Variants in LRP1B observed in about 807,000 individuals in gnomAD.
LRP1B encodes LDL receptor related protein 1B.
A neutral mutation model predicts 556.6 loss-of-function variants in LRP1B; 217 were observed. That is an observed-to-expected ratio of 0.39 (90% confidence interval 0.35 to 0.44). The LOEUF (loss-of-function observed/expected upper bound fraction) is 0.44, where lower values mean the gene tolerates loss of function less well. LRP1B is among the 20% of genes least tolerant of loss of function. LRP1B has a pLI of 1.00. For missense variants in LRP1B, 5,053 were observed against 5,620.8 expected (o/e 0.90, Z 3.23); for synonymous variants, 2,047 against 1,865.8 (o/e 1.10, Z -2.50).
At chr2:141,597,656 T>C (rs1200286111) in intron 2 of LRP1B, among the ~76,000 whole-genome samples, 2 of 152,128 alleles carry the variant, frequency 1.3e-5, no homozygotes, top group Admixed American at 6.6e-5. Flanking sequence ...TACAGTTTGC[T>C]TTATGAAGTT....
chr2:140,412,855 G>T (rs1685024302), intron 66 of LRP1B, among the ~76,000 whole-genome samples: 1 of 151,868 alleles, frequency 6.6e-6, no homozygotes, highest in South Asian at 2.1e-4. Context: ...GCCATTTTAG[G>T]TTGTGTCAAC....
chr2:141,780,175 A>C (rs1695206533), intron 2 of LRP1B, among the ~76,000 whole-genome samples: 1 of 151,652 alleles, frequency 6.6e-6, no homozygotes, highest in African/African-American at 2.4e-5. Flanking sequence ...AGACAATATA[A>C]AAAAAAGAAG....
rs567115979 is a variant in LRP1B, at chr2:140,826,214, A to G, written c.5210-12408T>C. Among the ~76,000 whole-genome samples, 7 of 152,324 alleles carry G rather than the reference A, an allele frequency of 4.6e-5. No homozygotes were observed. In the South Asian group the frequency reaches 1.4e-3, roughly 32 times the overall value. The stretch of plus-strand genomic sequence containing the variant: ...ATAACATATATGTAGGTATACATAT[A>G]CATCAGGTCCTTGAATAACATTTTG... On this transcript the variant is annotated intron_variant, in intron 31 of 90. Coordinates refer to ENST00000389484, the MANE Select transcript of LRP1B (RefSeq NM_018557.3).
intron 77 of LRP1B, among the ~76,000 whole-genome samples, chr2:140,341,679 A>G (rs1681398815): frequency 6.6e-6 from 1 of 151,448 alleles, no homozygotes; most frequent in South Asian, 2.1e-4. Flanking sequence ...TGGCTGGAAC[A>G]AAACGTTGTG....
At chr2:141,333,122 G>C (rs1440586577) in intron 3 of LRP1B, among the ~76,000 whole-genome samples, 2 of 151,982 alleles carry the variant, frequency 1.3e-5, no homozygotes, top group Non-Finnish European at 2.9e-5. Flanking sequence ...ATTTTTTACA[G>C]TATAAGCATT....
chr2:140,660,372 T>C (rs975169403), intron 41 of LRP1B, among the ~76,000 whole-genome samples: 3 of 152,194 alleles, frequency 2.0e-5, no homozygotes, highest in Non-Finnish European at 2.9e-5. Flanking sequence ...TTTTGTTTAC[T>C]TTCTTGTATT....
At chr2:142,057,242 G>T (rs559540908) in intron 1 of LRP1B, among the ~76,000 whole-genome samples, 5 of 152,192 alleles carry the variant, frequency 3.3e-5, no homozygotes, top group African/African-American at 1.2e-4. Flanking sequence ...CTCTAGGTAT[G>T]ATATAGAAAG....
At chr2:140,890,166 A>G (rs1223605771) in intron 23 of LRP1B, among the ~76,000 whole-genome samples, 1 of 107,850 alleles carries the variant, frequency 9.3e-6, no homozygotes, top group African/African-American at 2.7e-5. Flanking sequence ...ATATAAAAGC[A>G]CAGTGTTAAA....
At chr2:141,033,131 T>C (rs1035973635) in intron 11 of LRP1B, among the ~76,000 whole-genome samples, 1 of 151,312 alleles carries the variant, frequency 6.6e-6, no homozygotes, top group Non-Finnish European at 1.5e-5. Flanking sequence ...CAGCACGTGG[T>C]AAAGGCCCTG....
chr2:141,860,917 G>A (rs1369536), intron 1 of LRP1B, among the ~76,000 whole-genome samples: 116,953 of 152,070 alleles, frequency 0.77, 45,167 homozygotes, highest in Middle Eastern at 0.83. Flanking sequence ...TCTCTATAGT[G>A]TGTATTTCCT....
At chr2:142,105,362 C>T (rs1356267490) in intron 1 of LRP1B, among the ~76,000 whole-genome samples, 2 of 152,086 alleles carry the variant, frequency 1.3e-5, no homozygotes, top group Non-Finnish European at 2.9e-5. Context: ...ACATATCTAC[C>T]TCTGGCTTTA....
intron 49 of LRP1B, among the ~76,000 whole-genome samples, chr2:140,525,598 G>A (rs1196926853): frequency 2.0e-5 from 3 of 151,788 alleles, no homozygotes; most frequent in African/African-American, 7.3e-5. Flanking sequence ...ATTTTGAAAG[G>A]GTTAATAACT....
At chr2:141,395,950 T>C (rs1306912381) in intron 3 of LRP1B, among the ~76,000 whole-genome samples, 1 of 152,148 alleles carries the variant, frequency 6.6e-6, no homozygotes, top group East Asian at 1.9e-4. Context: ...AACTGTTGCA[T>C]ACATCAACAT....
chr2:140,537,967 T>G (rs1679989521), intron 45 of LRP1B, among the ~76,000 whole-genome samples: 1 of 152,140 alleles, frequency 6.6e-6, no homozygotes. Flanking sequence ...CTCACCCCAT[T>G]GCTTGCTGAA....
At chr2:140,807,507 A>ATTT (rs368741661) in intron 32 of LRP1B, among the ~76,000 whole-genome samples, 6 of 132,368 alleles carry the variant, frequency 4.5e-5, no homozygotes, top group East Asian at 4.6e-4. Flanking sequence ...CGCCTTGCTA[A>ATTT]TTTTTTTTTT....
chr2:141,490,005 G>A (rs1230260389), intron 2 of LRP1B, among the ~76,000 whole-genome samples: 2 of 152,266 alleles, frequency 1.3e-5, no homozygotes, highest in East Asian at 3.9e-4. Flanking sequence ...TTCACAAACT[G>A]CAAGAGATGT....
chr2:141,621,124 A>G (rs549931638), intron 2 of LRP1B, among the ~76,000 whole-genome samples: 1 of 152,210 alleles, frequency 6.6e-6, no homozygotes, highest in South Asian at 2.1e-4. Context: ...GTGAGCTCCA[A>G]CCCTCATATG....
intron 84 of LRP1B, among the ~76,000 whole-genome samples, chr2:140,293,057 C>G (rs1227375457): frequency 6.6e-6 from 1 of 152,132 alleles, no homozygotes; most frequent in Non-Finnish European, 1.5e-5. Flanking sequence ...TACAGGTATA[C>G]TTCTGATAAG....
At chr2:141,721,773 A>C (rs1163537349) in intron 2 of LRP1B, among the ~76,000 whole-genome samples, 2 of 152,176 alleles carry the variant, frequency 1.3e-5, no homozygotes. Flanking sequence ...TCTGGTGCAG[A>C]AAATTGTGAA....
Sources: allele counts gnomAD v4.1 joint callset (sites outside exome capture counted in the v4.1 genomes callset), GRCh38; gene constraint gnomAD v4.1.1; transcripts MANE v1.5; gene names NCBI Gene and HGNC (gene_info 2026-07-23, HGNC 2026-07-21).